The following TMEM87A variants were observed in gnomAD, a reference collection of about 807,000 sequenced individuals.
TMEM87A encodes Golgi-pH regulating cation channel.
A neutral mutation model predicts 90.0 loss-of-function variants in TMEM87A; 50 were observed. The ratio of observed to expected loss-of-function variants is 0.56; its 90% CI spans 0.44 to 0.70. The LOEUF (loss-of-function observed/expected upper bound fraction) is 0.70, where lower values mean the gene tolerates loss of function less well. Among genes scored for constraint, TMEM87A ranks in the 30% least tolerant of loss-of-function variants. The pLI is 0.00. For missense variants in TMEM87A, 577 were observed against 660.5 expected (o/e 0.87, Z 1.39); for synonymous variants, 226 against 226.7 (o/e 1.00, Z 0.03).
intron 9 of TMEM87A, among the ~76,000 whole-genome samples, chr15:42,236,717 G>C (rs1206298242): frequency 6.6e-6 from 1 of 152,218 alleles, no homozygotes; most frequent in East Asian, 1.9e-4. Context: ...GTAGCATCGA[G>C]ACAATTTCCC....
At chr15:42,259,295 G>T (rs1195335319) in intron 6 of TMEM87A, among the ~76,000 whole-genome samples, 2 of 152,098 alleles carry the variant, frequency 1.3e-5, no homozygotes, top group African/African-American at 4.8e-5. Context: ...CCTAATTTTT[G>T]TATTTTTGGT....
intron 15 of TMEM87A, 70 bp downstream of exon 15, chr15:42,226,736 C>G: frequency 7.5e-7 from 1 of 1,340,406 alleles, no homozygotes; most frequent in East Asian, 2.3e-5. Context: ...ATACTGTCCC[C>G]CAATGCACCA....
intron 12 of TMEM87A, among the ~76,000 whole-genome samples, 196 bp from the exon 13 acceptor site, chr15:42,229,016 CT>C (rs1326593948): frequency 2.2e-4 from 32 of 148,572 alleles, no homozygotes; most frequent in East Asian, 2.0e-4. Flanking sequence ...TTTTCTTTTC[CT>C]TTTTTTTTTG....
At chr15:42,263,661 T>C (rs552688424) in intron 4 of TMEM87A, among the ~76,000 whole-genome samples, 1 of 152,214 alleles carries the variant, frequency 6.6e-6, no homozygotes, top group East Asian at 1.9e-4. Flanking sequence ...GGTGAAAGAA[T>C]TGCTTAGATC....
intron 6 of TMEM87A, 120 bp downstream of exon 6, chr15:42,260,838 G>A (rs1258856511): frequency 9.1e-7 from 1 of 1,096,474 alleles, no homozygotes; most frequent in Admixed American, 2.5e-5. Context: ...TTGGTCTATA[G>A]CTTCCAGATT....
At chr15:42,228,622 C>T (rs927125855) in intron 13 of TMEM87A, 90 bp downstream of exon 13, 7 of 1,075,246 alleles carry the variant, frequency 6.5e-6, no homozygotes, top group Non-Finnish European at 9.9e-6. Context: ...ATATACAAAA[C>T]TTTCTATGTC....
At chr15:42,237,665 C>A (rs1595723966) in intron 8 of TMEM87A, 50 bp from the exon 9 acceptor site, 3 of 1,394,470 alleles carry the variant, frequency 2.2e-6, no homozygotes, top group Non-Finnish European at 1.9e-6. Flanking sequence ...GGCCAAGAGC[C>A]AAGTCTGTAG....
Position 42,273,423 on chromosome 15 carries a change from GA to G in TMEM87A, c.-26del. 1.2e-6 allele frequency: 2 copies of G among 1,613,156 alleles called. No homozygotes were observed. The highest frequency in any genetic ancestry group is 2.2e-5 in the South Asian group (2 of 91,052). On this transcript the variant is annotated 5_prime_UTR_variant, in exon 1 of 20. The change creates a premature stop within an existing upstream ORF in the 5' untranslated region. Coordinates refer to ENST00000389834, the MANE Select transcript of TMEM87A (RefSeq NM_015497.5). ...TCTTCACAGCCGTGGAGTGCCTACC[GA>G]AAGCATTTCACCCTCTTCCGGTTCG...
chr15:42,250,196 C>A (rs373761149), intron 6 of TMEM87A, among the ~76,000 whole-genome samples: 83 of 152,288 alleles, frequency 5.5e-4, no homozygotes, highest in African/African-American at 2.0e-3. Flanking sequence ...ATACAGCACA[C>A]CAATGGGTCT....
intron 19 of TMEM87A, among the ~76,000 whole-genome samples, chr15:42,213,183 AG>A (rs1432675415): frequency 3.3e-5 from 5 of 152,226 alleles, no homozygotes; most frequent in Non-Finnish European, 7.3e-5. Flanking sequence ...TGCAGAGGGA[AG>A]GAAATGACTG....
At chr15:42,264,274 C>CA (rs1399205196) in intron 3 of TMEM87A, 71 bp from the exon 4 acceptor site, 4 of 1,033,478 alleles carry the variant, frequency 3.9e-6, no homozygotes, top group Non-Finnish European at 5.9e-6. Flanking sequence ...CACAGCACAA[C>CA]AAACAGTTCA....
At chr15:42,265,148 T>C (rs370799383) in intron 3 of TMEM87A, among the ~76,000 whole-genome samples, 18 of 152,240 alleles carry the variant, frequency 1.2e-4, no homozygotes, top group East Asian at 7.7e-4. Context: ...TTTGCTATTG[T>C]AAACAGTGCT....
rs2050680204 is a variant in TMEM87A at position 42,231,175 on chromosome 15, G to A, written c.1131+17C>T. The A allele has an allele frequency of 6.3e-7, 1 of 1,590,962 alleles. No individual in the cohort carries two copies. Among genetic ancestry groups the A allele is most frequent in the Non-Finnish European group, 8.5e-7 (1 of 1,172,244 alleles). The stretch of plus-strand genomic sequence containing the variant: ...GAGAAAATGGACCATCATCAAACAA[G>A]CCAATGAGAAGGATATCCACCAGCA... On this transcript the variant is annotated intron_variant, in intron 12 of 19. Transcript: ENST00000389834.
rs10681614 is a variant in TMEM87A at position 42,264,699 on chromosome 15, A to ATATATATATATATTTTTT, written c.292-497_292-496insAAAAAATATATATATATA. ...TATGTGTGTGTATATATATATATAT[A>ATATATATATATATTTTTT]TTTTTTTTTTAACTTTTATTTTAGG... On this transcript the variant is annotated intron_variant, in intron 3 of 19. Transcript: ENST00000389834. Among the ~76,000 whole-genome samples the ATATATATATATATTTTTT allele has an allele frequency of 1.4e-3, 150 of 109,414 alleles. 2 individuals are homozygous for ATATATATATATATTTTTT. The highest frequency in any genetic ancestry group is 3.4e-3 in the African/African-American group (110 of 32,504). 71.8% of individuals were successfully genotyped at this position (109,414 alleles called of 152,430 possible). A position where few individuals can be genotyped will look rare whatever the true frequency, so the allele number is the denominator to read the frequency against.
chr15:42,256,231 C>G (rs2051182169), intron 6 of TMEM87A, among the ~76,000 whole-genome samples: 1 of 152,152 alleles, frequency 6.6e-6, no homozygotes, highest in African/African-American at 2.4e-5. Flanking sequence ...ACCTCTGCTT[C>G]TTGGGCTCAA....
chr15:42,219,182 A>G (rs984125354), intron 17 of TMEM87A, among the ~76,000 whole-genome samples: 3 of 152,144 alleles, frequency 2.0e-5, no homozygotes, highest in African/African-American at 7.2e-5. Context: ...ATTTTTTCAT[A>G]TACTTGTTGG....
chr15:42,218,437 A>C (rs1595705264), intron 17 of TMEM87A, 59 bp from the exon 18 acceptor site: 1 of 1,514,914 alleles, frequency 6.6e-7, no homozygotes, highest in East Asian at 2.3e-5. Flanking sequence ...ATCTCAAGTA[A>C]GGACATGAAG....
chr15:42,228,826 T>C lies in TMEM87A; in HGVS notation c.1132-6A>G, dbSNP rs779673327. ...TGAGTCAGGCTAATAAATATGTGTT[T>C]GCAGGTCAAGGAATTCAACATTCAG... On this transcript the variant is annotated splice_polypyrimidine_tract_variant and splice_region_variant and intron_variant, in intron 12 of 19. Transcript: ENST00000389834. 6.4e-7 allele frequency: 1 copy of C among 1,561,742 alleles called. No individual in the cohort carries two copies. Among genetic ancestry groups the C allele is most frequent in the Admixed American group, 2.0e-5 (1 of 50,382 alleles).
chr15:42,231,903 G>A, intron 11 of TMEM87A: 1 of 1,277,202 alleles, frequency 7.8e-7, no homozygotes, highest in Non-Finnish European at 1.0e-6. Context: ...AGAGTCAAGG[G>A]ATAAGAAAAA....
Sources: gnomAD v4.1 joint callset for allele counts (sites outside exome capture counted in the v4.1 genomes callset) on GRCh38, gnomAD v4.1.1 for gene constraint, MANE v1.5 for transcripts, NCBI Gene and HGNC (gene_info 2026-07-23, HGNC 2026-07-21) for gene names.